ZNF705G: variants seen among roughly 807,000 people sequenced by gnomAD.
ZNF705G encodes the protein putative zinc finger protein 705G.
ZNF705G carries 23 observed loss-of-function variants against 19.6 expected under a neutral mutation model. The observed-to-expected ratio is 1.17, with a 90% CI of 0.84 to 1.66. The LOEUF (loss-of-function observed/expected upper bound fraction) is 1.66, where lower values mean the gene tolerates loss of function less well. Among genes scored for constraint, ZNF705G ranks in the 40% most tolerant of loss-of-function variants. ZNF705G has a pLI of 0.00. For synonymous variants in ZNF705G, 146 were observed against 117.7 expected, an observed-to-expected ratio of 1.24 and a Z score of -1.56; for missense variants, 457 against 354.4, an observed-to-expected ratio of 1.29 and a Z score of -2.32.
intron 2 of ZNF705G, 105 bp from the exon 3 acceptor site, chr8:7,363,122 C>T: frequency 1.4e-6 from 2 of 1,428,788 alleles, no homozygotes; most frequent in South Asian, 1.2e-5. Flanking sequence ...ACCAGCTGCA[C>T]CACAGCCTAA....
At chr8:7,361,968 T>C (rs1439573730) in intron 3 of ZNF705G, among the ~76,000 whole-genome samples, 1 of 149,686 alleles carries the variant, frequency 6.7e-6, no homozygotes, top group African/African-American at 2.6e-5. Flanking sequence ...ACAAGACCGC[T>C]GAGGCTGCTA....
intron 1 of ZNF705G, among the ~76,000 whole-genome samples, chr8:7,383,598 C>T (rs1176582132): frequency 2.0e-5 from 3 of 146,936 alleles, no homozygotes; most frequent in African/African-American, 8.2e-5. Flanking sequence ...TTGTGTCTCC[C>T]CATTCATCTG....
intron 2 of ZNF705G, among the ~76,000 whole-genome samples, chr8:7,367,182 AAATGTCT>A (rs1806895495): frequency 6.7e-6 from 1 of 149,550 alleles, no homozygotes; most frequent in African/African-American, 2.6e-5. Flanking sequence ...TTGATGGGAC[AAATGTCT>A]AATGATATAC....
Position 7,379,245 on chromosome 8 carries a change from G to C in ZNF705G, c.-72+2207C>G, listed in dbSNP as rs1285427390. ...TCAAAACATTGGGTTCAAAATCTCG[G>C]AGATTGAGATATATTCCAACCAACT... On this transcript the variant is annotated intron_variant, in intron 2 of 6. Transcript: ENST00000400156. 1.4e-5 allele frequency among the ~76,000 whole-genome samples: 2 copies of C among 147,548 alleles called. 1 individual carries two copies. Among genetic ancestry groups the C allele is most frequent in the Non-Finnish European group, 2.9e-5 (2 of 68,012 alleles).
chr8:7,370,112 A>T (rs1433218415), intron 2 of ZNF705G, among the ~76,000 whole-genome samples: 1 of 148,134 alleles, frequency 6.8e-6, no homozygotes, highest in Non-Finnish European at 1.5e-5. Context: ...AAAAAAAAAA[A>T]TACAAAAAAT....
At chr8:7,370,403 A>G (rs1418804888) in intron 2 of ZNF705G, among the ~76,000 whole-genome samples, 1 of 149,824 alleles carries the variant, frequency 6.7e-6, no homozygotes, top group East Asian at 1.9e-4. Context: ...CCACCATGAA[A>G]TATCACCTGA....
At chr8:7,368,609 G>C (rs1806964733) in intron 2 of ZNF705G, among the ~76,000 whole-genome samples, 2 of 149,964 alleles carry the variant, frequency 1.3e-5, no homozygotes, top group South Asian at 4.2e-4. Context: ...CAGAAATTTG[G>C]GTAACTAAAA....
Position 7,359,931 on chromosome 8 carries a change from G to A in ZNF705G, c.236-230C>T, listed in dbSNP as rs1369843844. Among the ~76,000 whole-genome samples the A allele has an allele frequency of 2.0e-5, 3 of 149,468 alleles. No individual in the cohort carries two copies. In the East Asian group the frequency reaches 5.8e-4, roughly 29 times the overall value. ...TAAAATGGAGATGAGATATCAGGCA[G>A]GTAAAAAGAGGGATAGTCTTCACAG... On this transcript the variant is annotated intron_variant, in intron 5 of 6. Transcript: ENST00000400156.
In ZNF705G at chr8:7,355,891, C is replaced by T. The variant is rs1159228589; in HGVS notation, c.*2085G>A. On this transcript the variant is annotated 3_prime_UTR_variant, in exon 7 of 7. Transcript: ENST00000400156. ...GAATTTCTTGCTCATTATCCTCACA[C>T]TTGACATAAACCCTGGCTGCAGAGT... The T allele has an allele frequency of 6.7e-6, 1 of 149,636 alleles. No homozygotes were observed. Among genetic ancestry groups the T allele is most frequent in the East Asian group, 1.9e-4 (1 of 5,196 alleles). The allele number at this position is 149,636 out of a possible 1,614,324, so 9.3% of individuals were successfully genotyped here.
rs537662824 is a variant in ZNF705G at position 7,383,797 on chromosome 8, G to A, written c.-222+1701C>T. On this transcript the variant is annotated intron_variant, in intron 1 of 6. Coordinates refer to ENST00000400156, the MANE Select transcript of ZNF705G (RefSeq NM_001164457.3). ...AAGCGAGCTCTCTCCAGACACCTAT[G>A]CCGGTGTCTTGATCTTGGACTTCCA... Among the ~76,000 whole-genome samples the A allele has an allele frequency of 1.9e-3, 281 of 147,934 alleles. 25 individuals are homozygous for A. Among genetic ancestry groups the A allele is most frequent in the African/African-American group, 7.1e-3 (265 of 37,484 alleles).
chr8:7,380,344 C>G (rs867507682), intron 2 of ZNF705G, among the ~76,000 whole-genome samples: 7 of 147,464 alleles, frequency 4.7e-5, no homozygotes, highest in Non-Finnish European at 8.8e-5. Context: ...TCAACCCACA[C>G]TGCTGTCTGT....
At position 7,385,241 on chromosome 8, in the gene ZNF705G, G is replaced by T. The variant is rs1041828272; in HGVS notation, c.-222+257C>A. 8.7e-5 allele frequency among the ~76,000 whole-genome samples: 13 copies of T among 149,240 alleles called. No homozygotes were observed. The East Asian group carries it at 1.7e-3, about 20-fold the overall frequency. On this transcript the variant is annotated intron_variant, in intron 1 of 6. Coordinates refer to ENST00000400156, the MANE Select transcript of ZNF705G (RefSeq NM_001164457.3). The stretch of plus-strand genomic sequence containing the variant: ...TCCTTAATCACTTCCCAAATGTTCC[G>T]CTTCTTAATACTATTGCATTGGGGA...
At chr8:7,363,074 A>G (rs1806681988) in intron 2 of ZNF705G, 57 bp from the exon 3 acceptor site, 1 of 1,584,216 alleles carries the variant, frequency 6.3e-7, no homozygotes, top group Admixed American at 1.7e-5. Flanking sequence ...TTTCAGATCA[A>G]TCTGTGATGA....
rs568519348 is a variant in ZNF705G, at chr8:7,362,403, G to T, written c.12+532C>A. Among the ~76,000 whole-genome samples, 3 of 149,610 alleles carry T rather than the reference G, an allele frequency of 2.0e-5. No homozygotes were observed. In the South Asian group the frequency reaches 6.3e-4, roughly 31 times the overall value. On this transcript the variant is annotated intron_variant, in intron 3 of 6. Transcript: ENST00000400156. ...TCTTCTTTTCCCTCAACACTGCACAGCTCTTGTCCAAGTCCTATCACACTG... is the reference window on the plus strand; with the variant it reads ...TCTTCTTTTCCCTCAACACTGCACATCTCTTGTCCAAGTCCTATCACACTG...
chr8:7,366,705 T>C (rs987243738), intron 2 of ZNF705G, among the ~76,000 whole-genome samples: 3 of 149,828 alleles, frequency 2.0e-5, no homozygotes, highest in African/African-American at 5.1e-5. Flanking sequence ...ATAAGGTAAA[T>C]GAATGAAATT....
intron 2 of ZNF705G, among the ~76,000 whole-genome samples, chr8:7,365,076 G>A (rs10089593): frequency 0.38 from 56,295 of 146,642 alleles, 6,134 homozygotes; most frequent in African/African-American, 0.53. Flanking sequence ...CAGGGACAAA[G>A]AAAGGACAAA....
intron 3 of ZNF705G, among the ~76,000 whole-genome samples, chr8:7,362,590 A>G (rs997555065): frequency 3.3e-5 from 5 of 149,750 alleles, no homozygotes; most frequent in African/African-American, 1.0e-4. Context: ...TATAGGATGG[A>G]TAGAAGAAAA....
At chr8:7,381,865 C>T (rs1233194995) in intron 1 of ZNF705G, among the ~76,000 whole-genome samples, 1 of 150,896 alleles carries the variant, frequency 6.6e-6, no homozygotes, top group Non-Finnish European at 1.5e-5. Context: ...CAAATCTGCG[C>T]ATGTACCTAC....
Position 7,362,560 on chromosome 8 carries a change from C to T in ZNF705G, c.12+375G>A, listed in dbSNP as rs182981359. ...TCAGGCAACAGTATAGTTAATGGGTCAATTATTTCCCTATGAGATTATAGG... is the reference window on the plus strand; with the variant it reads ...TCAGGCAACAGTATAGTTAATGGGTTAATTATTTCCCTATGAGATTATAGG... On this transcript the variant is annotated intron_variant, in intron 3 of 6. Coordinates refer to ENST00000400156, the MANE Select transcript of ZNF705G (RefSeq NM_001164457.3). Among the ~76,000 whole-genome samples, 42 of 149,558 alleles carry T rather than the reference C, an allele frequency of 2.8e-4. 2 individuals are homozygous for T. The highest frequency in any genetic ancestry group is 2.2e-3 in the Admixed American group (34 of 15,220).
Sources: gnomAD v4.1 joint callset for allele counts (sites outside exome capture counted in the v4.1 genomes callset) on GRCh38, gnomAD v4.1.1 for gene constraint, MANE v1.5 for transcripts, NCBI Gene and HGNC (gene_info 2026-07-23, HGNC 2026-07-21) for gene names.